The following DPP10 variants were observed in gnomAD, a reference collection of about 807,000 sequenced individuals.
DPP10 encodes the protein dipeptidyl peptidase like 10, also known as inactive dipeptidyl peptidase 10.
Under a neutral mutation model 120.9 loss-of-function variants are expected in DPP10, and 33 were observed. The observed-to-expected ratio is 0.27, with a 90% CI of 0.21 to 0.37. The LOEUF (loss-of-function observed/expected upper bound fraction) is 0.37. Ranked by LOEUF, DPP10 falls within the 10% of genes least tolerant of loss-of-function variation. DPP10 has a pLI of 1.00. For missense variants in DPP10, 816 were observed against 942.8 expected, an observed-to-expected ratio of 0.87 and a Z score of 1.76; for synonymous variants, 337 against 326.1, an observed-to-expected ratio of 1.03 and a Z score of -0.36.
intron 1 of DPP10, among the ~76,000 whole-genome samples, chr2:114,478,578 T>A (rs1680721466): frequency 6.6e-6 from 1 of 151,286 alleles, no homozygotes; most frequent in Non-Finnish European, 1.5e-5. Flanking sequence ...AAGGAAAAAA[T>A]AAATAAGGAA....
At chr2:115,812,963 CTTTTTTTTTTTTT>C (rs66478532) in intron 19 of DPP10, among the ~76,000 whole-genome samples, 7 of 72,782 alleles carry the variant, frequency 9.6e-5, no homozygotes, top group African/African-American at 3.5e-4. Flanking sequence ...GACTGGATAT[CTTTTTTTTTTTTT>C]TTTTTTTTTT....
chr2:114,750,514 T>C (rs574418089), intron 1 of DPP10, among the ~76,000 whole-genome samples: 10 of 151,960 alleles, frequency 6.6e-5, no homozygotes, highest in Non-Finnish European at 1.3e-4. Context: ...TTTGTACTTT[T>C]AGTAGAGACG....
chr2:115,538,675 T>C (rs1409900802), intron 5 of DPP10, among the ~76,000 whole-genome samples: 2 of 151,998 alleles, frequency 1.3e-5, no homozygotes, highest in South Asian at 2.1e-4. Context: ...AGTAACGTTA[T>C]TGGCCACAGC....
intron 3 of DPP10, among the ~76,000 whole-genome samples, chr2:115,437,126 A>G (rs761924797): frequency 6.6e-6 from 1 of 151,954 alleles, no homozygotes; most frequent in Non-Finnish European, 1.5e-5. Flanking sequence ...AAAATCCTCT[A>G]ATCTGGCCTC....
intron 5 of DPP10, among the ~76,000 whole-genome samples, chr2:115,615,963 A>G (rs1166715227): frequency 1.3e-5 from 2 of 152,202 alleles, no homozygotes; most frequent in Non-Finnish European, 2.9e-5. Flanking sequence ...GAAGTATTTT[A>G]TCACTAATAC....
intron 1 of DPP10, among the ~76,000 whole-genome samples, chr2:114,536,124 A>G (rs1024242223): frequency 6.6e-6 from 1 of 152,126 alleles, no homozygotes; most frequent in African/African-American, 2.4e-5. Context: ...GCATTGGTGC[A>G]TCCTGCATCG....
chr2:115,750,242 T>C (rs1222023877), intron 10 of DPP10: 9 of 977,926 alleles, frequency 9.2e-6, no homozygotes, highest in African/African-American at 1.8e-5. Context: ...TGAATACTTA[T>C]GAGTAAGCAA....
intron 1 of DPP10, among the ~76,000 whole-genome samples, chr2:115,271,979 A>G (rs1355850208): frequency 6.6e-6 from 1 of 152,216 alleles, no homozygotes; most frequent in Non-Finnish European, 1.5e-5. Flanking sequence ...AGTTTTGATA[A>G]AGAATGCTCA....
chr2:114,699,638 G>C (rs968705613), intron 1 of DPP10, among the ~76,000 whole-genome samples: 1 of 152,070 alleles, frequency 6.6e-6, no homozygotes, highest in African/African-American at 2.4e-5. Flanking sequence ...GAGGAAGTTA[G>C]AACACCAGTA....
intron 1 of DPP10, among the ~76,000 whole-genome samples, chr2:114,813,985 C>T (rs1464044025): frequency 4.0e-5 from 6 of 149,144 alleles, no homozygotes; most frequent in African/African-American, 7.5e-5. Context: ...CACACACACA[C>T]ACCACGAGCT....
At chr2:115,408,641 T>G (rs1317967007) in intron 3 of DPP10, among the ~76,000 whole-genome samples, 1 of 152,282 alleles carries the variant, frequency 6.6e-6, no homozygotes, top group East Asian at 1.9e-4. Flanking sequence ...CCCAATACAA[T>G]TCTATTAGGA....
intron 1 of DPP10, among the ~76,000 whole-genome samples, chr2:115,086,616 C>T (rs1398567015): frequency 2.0e-5 from 3 of 152,084 alleles, no homozygotes; most frequent in Non-Finnish European, 2.9e-5. Context: ...ACCACTATGC[C>T]TGGCTAATTT....
intron 1 of DPP10, among the ~76,000 whole-genome samples, chr2:114,464,502 G>A (rs555131830): frequency 2.6e-5 from 4 of 152,156 alleles, no homozygotes; most frequent in South Asian, 2.1e-4. Flanking sequence ...GATACATATC[G>A]TTTATTAGAT....
intron 1 of DPP10, among the ~76,000 whole-genome samples, chr2:114,466,981 A>G (rs1001594426): frequency 1.3e-5 from 2 of 151,692 alleles, no homozygotes; most frequent in African/African-American, 4.8e-5. Context: ...GGCGGAAGTC[A>G]CAGTGAGCAA....
At chr2:115,522,700 T>A (rs977960382) in intron 4 of DPP10, among the ~76,000 whole-genome samples, 5 of 152,150 alleles carry the variant, frequency 3.3e-5, no homozygotes, top group Non-Finnish European at 7.3e-5. Flanking sequence ...TGTCGAAAAC[T>A]GGACAGGCAG....
intron 1 of DPP10, among the ~76,000 whole-genome samples, chr2:115,125,389 A>G (rs752170942): frequency 2.0e-5 from 3 of 152,188 alleles, no homozygotes; most frequent in Non-Finnish European, 4.4e-5. Context: ...GTAAAACTTG[A>G]GAAAGTTATT....
chr2:114,638,792 A>T (rs1260999769), intron 1 of DPP10, among the ~76,000 whole-genome samples: 1 of 151,904 alleles, frequency 6.6e-6, no homozygotes, highest in Non-Finnish European at 1.5e-5. Context: ...CTGTGTATAT[A>T]TCCAAAATAA....
At chr2:115,441,616 G>C (rs940286945) in intron 3 of DPP10, among the ~76,000 whole-genome samples, 14 of 152,094 alleles carry the variant, frequency 9.2e-5, no homozygotes, top group African/African-American at 1.4e-4. Context: ...GTAGCCACTA[G>C]TCTATGTTAG....
At chr2:115,321,638 C>T (rs1233908723) in intron 2 of DPP10, among the ~76,000 whole-genome samples, 3 of 150,372 alleles carry the variant, frequency 2.0e-5, no homozygotes, top group Middle Eastern at 3.2e-3. Context: ...TCCTCTCTCT[C>T]CTCTTGTGAT....
Sources: allele counts gnomAD v4.1 joint callset (sites outside exome capture counted in the v4.1 genomes callset), GRCh38; gene constraint gnomAD v4.1.1; transcripts MANE v1.5; gene names NCBI Gene and HGNC (gene_info 2026-07-23, HGNC 2026-07-21).